The following PCDH15 variants were observed in gnomAD, a reference collection of about 807,000 sequenced individuals.
PCDH15 encodes protocadherin related 15.
PCDH15 carries 129 observed loss-of-function variants against 178.5 expected under a neutral mutation model. That is an observed-to-expected ratio of 0.72 (90% CI 0.63 to 0.84). The LOEUF is 0.84. PCDH15 is among the 40% of genes least tolerant of loss of function. The pLI is 0.00. For synonymous variants in PCDH15, 800 were observed against 732.0 expected, an observed-to-expected ratio of 1.09 and a Z score of -1.50; for missense variants, 2,230 against 2,099.9, an observed-to-expected ratio of 1.06 and a Z score of -1.21.
chr10:54,512,565 T>C (rs968800284), intron 3 of PCDH15, among the ~76,000 whole-genome samples: 1 of 152,176 alleles, frequency 6.6e-6, no homozygotes, highest in Non-Finnish European at 1.5e-5. Flanking sequence ...AATTTTAAAC[T>C]AGAAATGTCA....
intron 1 of PCDH15, among the ~76,000 whole-genome samples, chr10:54,686,710 A>G (rs2095018798): frequency 6.6e-6 from 1 of 152,128 alleles, no homozygotes; most frequent in Admixed American, 6.6e-5. Context: ...TTGACTATAT[A>G]TACATAGATT....
intron 1 of PCDH15, among the ~76,000 whole-genome samples, chr10:54,770,417 C>A (rs1206410732): frequency 6.6e-6 from 1 of 152,008 alleles, no homozygotes; most frequent in Non-Finnish European, 1.5e-5. Context: ...TCCCAGTTAC[C>A]TTCTCATGAA....
chr10:54,991,353 A>G (rs1386771359), intron 2 of PCDH15, among the ~76,000 whole-genome samples: 1 of 152,164 alleles, frequency 6.6e-6, no homozygotes, highest in Admixed American at 6.5e-5. Context: ...TTATCTGAGG[A>G]AAAGTTCTTT....
intron 6 of PCDH15, among the ~76,000 whole-genome samples, chr10:54,341,629 G>C (rs1942252511): frequency 6.6e-6 from 1 of 152,192 alleles, no homozygotes; most frequent in African/African-American, 2.4e-5. Context: ...ACTGGGTAAT[G>C]GTCAGAGGTT....
At chr10:54,713,452 G>A (rs1455634138) in intron 1 of PCDH15, among the ~76,000 whole-genome samples, 1 of 152,048 alleles carries the variant, frequency 6.6e-6, no homozygotes, top group Non-Finnish European at 1.5e-5. Context: ...CCGTAGTGTT[G>A]TTCAAATTGC....
intron 2 of PCDH15, among the ~76,000 whole-genome samples, chr10:55,576,863 T>C (rs1267929786): frequency 6.6e-6 from 1 of 152,202 alleles, no homozygotes; most frequent in African/African-American, 2.4e-5. Context: ...AAATAATTTC[T>C]CAAATTCATT....
intron 2 of PCDH15, among the ~76,000 whole-genome samples, chr10:55,005,956 T>A (rs1839918282): frequency 6.6e-6 from 1 of 151,854 alleles, no homozygotes. Context: ...ATTCTATTTT[T>A]ATTTTAATTG....
chr10:54,147,004 G>GTGTA (rs1292048940), intron 14 of PCDH15, among the ~76,000 whole-genome samples: 34 of 143,922 alleles, frequency 2.4e-4, no homozygotes, highest in African/African-American at 8.4e-4. Flanking sequence ...TATATATATA[G>GTGTA]TGTATATATA....
intron 25 of PCDH15, 45 bp from the exon 26 acceptor site, chr10:53,903,415 G>C (rs1224829555): frequency 6.2e-7 from 1 of 1,605,664 alleles, no homozygotes; most frequent in Non-Finnish European, 8.5e-7. Context: ...GGTTATTCAT[G>C]GGGGAAAAAA....
intron 1 of PCDH15, among the ~76,000 whole-genome samples, chr10:55,282,287 G>C (rs1339793718): frequency 2.0e-5 from 3 of 152,202 alleles, no homozygotes; most frequent in Admixed American, 2.0e-4. Flanking sequence ...TCTATCTGCA[G>C]TACCTGCTCT....
chr10:55,588,636 T>A (rs1226002004), intron 2 of PCDH15, among the ~76,000 whole-genome samples: 2 of 151,704 alleles, frequency 1.3e-5, no homozygotes, highest in Non-Finnish European at 2.9e-5. Flanking sequence ...GAAAAAAGAA[T>A]AAAACCTCTA....
At chr10:54,334,165 A>G (rs1940513238) in intron 6 of PCDH15, among the ~76,000 whole-genome samples, 1 of 152,212 alleles carries the variant, frequency 6.6e-6, no homozygotes, top group Admixed American at 6.5e-5. Context: ...CCATTAAGAA[A>G]GGTCCACTCA....
intron 3 of PCDH15, among the ~76,000 whole-genome samples, chr10:54,847,844 T>A (rs1448220569): frequency 1.3e-5 from 2 of 152,144 alleles, no homozygotes; most frequent in Non-Finnish European, 2.9e-5. Context: ...GTTCAGAATT[T>A]TCAAGAACAT....
At chr10:55,043,943 G>T (rs896545639) in intron 2 of PCDH15, among the ~76,000 whole-genome samples, 1 of 151,788 alleles carries the variant, frequency 6.6e-6, no homozygotes, top group Non-Finnish European at 1.5e-5. Flanking sequence ...AAGATTGAAC[G>T]GTAAAAAGCA....
At chr10:55,534,327 C>A (rs1449530848) in intron 2 of PCDH15, among the ~76,000 whole-genome samples, 15 of 152,016 alleles carry the variant, frequency 9.9e-5, no homozygotes, top group Admixed American at 9.9e-4. Flanking sequence ...AGGCACCTGA[C>A]AAAGTCCTAA....
intron 8 of PCDH15, among the ~76,000 whole-genome samples, chr10:54,248,415 A>G (rs1369785373): frequency 2.0e-5 from 3 of 152,188 alleles, no homozygotes; most frequent in Non-Finnish European, 2.9e-5. Flanking sequence ...AGACTAAGAC[A>G]TATCATACTT....
At chr10:54,105,118 C>T (rs553832383) in intron 15 of PCDH15, among the ~76,000 whole-genome samples, 1 of 150,908 alleles carries the variant, frequency 6.6e-6, no homozygotes, top group South Asian at 2.1e-4. Context: ...TCATATTAAA[C>T]AGCCAACTCC....
intron 1 of PCDH15, among the ~76,000 whole-genome samples, chr10:54,769,706 A>G (rs901055666): frequency 6.6e-6 from 1 of 152,074 alleles, no homozygotes; most frequent in African/African-American, 2.4e-5. Context: ...CAAAGTTTCT[A>G]GAATCCAGTG....
At chr10:54,994,575 T>C (rs957077824) in intron 2 of PCDH15, among the ~76,000 whole-genome samples, 2 of 152,160 alleles carry the variant, frequency 1.3e-5, no homozygotes, top group African/African-American at 4.8e-5. Flanking sequence ...GTTTACATTA[T>C]AAAATTTATT....
Sources: allele counts gnomAD v4.1 joint callset (sites outside exome capture counted in the v4.1 genomes callset), GRCh38; gene constraint gnomAD v4.1.1; transcripts MANE v1.5; gene names NCBI Gene and HGNC (gene_info 2026-07-23, HGNC 2026-07-21).